The following NFIL3 variants were observed in gnomAD, a reference collection of about 807,000 sequenced individuals.
The protein encoded by NFIL3 is nuclear factor, interleukin 3 regulated.
NFIL3 carries 5 observed loss-of-function variants against 10.0 expected under a neutral mutation model. The observed-to-expected ratio is 0.50, with a 90% CI of 0.26 to 1.06. The LOEUF (loss-of-function observed/expected upper bound fraction) is 1.06, where lower values mean the gene tolerates loss of function less well. Ranked by LOEUF, NFIL3 falls within the 50% of genes least tolerant of loss-of-function variation. The probability of loss-of-function intolerance (pLI) is 0.13; values close to 1 mark genes in which losing one functional copy is unlikely to be tolerated. For missense variants in NFIL3, 436 were observed against 547.6 expected (o/e 0.80, Z 2.03); for synonymous variants, 202 against 206.5 (o/e 0.98, Z 0.19).
At position 91,410,348 on chromosome 9, in the gene NFIL3, A is replaced by G; in HGVS notation, c.387T>C (p.Ile129=). ...TCTCTTGAGCATATGCTGTGGAGCT[A>G]ATTAAACCAAACTTTAATTTTAGTG... ...LLSLKLKFGL[I]SSTAYAQEIQ... The change falls in exon 2 of 2, where the codon ATT becomes ATC. Residue 129 remains isoleucine, a synonymous_variant. Coordinates refer to ENST00000297689, the MANE Select transcript of NFIL3 (RefSeq NM_005384.3). The surrounding 1 kb of genome is among the most constrained non-coding windows in gnomAD (Gnocchi z 5.7). 6.2e-7 allele frequency: 1 copy of G among 1,614,086 alleles called. No homozygotes were observed. The highest frequency in any genetic ancestry group is 1.1e-5 in the South Asian group (1 of 91,034).
At chr9:91,439,990 CTT>C in the NFIL3 span, among the ~76,000 whole-genome samples, 9 of 152,124 alleles carry the variant, frequency 5.9e-5, no homozygotes, top group Non-Finnish European at 1.2e-4. Flanking sequence ...CTTGTGATGT[CTT>C]TGTCTGGATT....
the NFIL3 span, among the ~76,000 whole-genome samples, chr9:91,442,341 C>A: frequency 6.6e-6 from 1 of 152,140 alleles, no homozygotes; most frequent in Admixed American, 6.5e-5. Flanking sequence ...ATACATGGCA[C>A]GATGCTTTTC....
chr9:91,411,918 T>C (rs561289896), intron 1 of NFIL3, among the ~76,000 whole-genome samples: 2 of 151,900 alleles, frequency 1.3e-5, no homozygotes, highest in African/African-American at 4.8e-5. Flanking sequence ...CTGGCCAACA[T>C]GGTGAAACCC....
At chr9:91,452,071 G>C in the NFIL3 span, among the ~76,000 whole-genome samples, 16 of 152,168 alleles carry the variant, frequency 1.1e-4, no homozygotes, top group African/African-American at 3.9e-4. Context: ...TGGAAAACTA[G>C]TTTAGGCTGT....
intron 1 of NFIL3, 61 bp downstream of exon 1, chr9:91,423,579 C>T (rs563294984): frequency 4.7e-5 from 7 of 148,308 alleles, no homozygotes; most frequent in South Asian, 3.9e-4. Flanking sequence ...CGCCCGCCCG[C>T]CCGCAGCGCG....
chr9:91,472,469 G>T, the NFIL3 span, among the ~76,000 whole-genome samples: 805 of 152,174 alleles, frequency 5.3e-3, 6 homozygotes, highest in African/African-American at 0.019. Flanking sequence ...TGCTATCACT[G>T]CTACCCTTTC....
chr9:91,422,964 G>T (rs917163143), intron 1 of NFIL3, among the ~76,000 whole-genome samples: 2 of 152,064 alleles, frequency 1.3e-5, no homozygotes, highest in Non-Finnish European at 2.9e-5. Context: ...ACATCAGCCC[G>T]CAATTCTTGC....
At chr9:91,444,126 A>G in the NFIL3 span, among the ~76,000 whole-genome samples, 2 of 149,754 alleles carry the variant, frequency 1.3e-5, no homozygotes, top group African/African-American at 4.9e-5. Flanking sequence ...TTTCACTTTC[A>G]TTTTTTTCCT....
chr9:91,428,967 G>A, the NFIL3 span, among the ~76,000 whole-genome samples: 1 of 152,198 alleles, frequency 6.6e-6, no homozygotes, highest in East Asian at 1.9e-4. Flanking sequence ...GCAGCTAATC[G>A]TGTTCATTGC....
intron 1 of NFIL3, among the ~76,000 whole-genome samples, chr9:91,423,219 C>T (rs554565216): frequency 2.0e-5 from 3 of 152,176 alleles, no homozygotes; most frequent in East Asian, 1.9e-4. Flanking sequence ...TCCTCTCCCC[C>T]CTACGCCGCC....
At chr9:91,431,718 C>T in the NFIL3 span, among the ~76,000 whole-genome samples, 2 of 152,206 alleles carry the variant, frequency 1.3e-5, no homozygotes, top group East Asian at 1.9e-4. Flanking sequence ...CTCCAGAGTT[C>T]CTTTTGCTTC....
the NFIL3 span, among the ~76,000 whole-genome samples, chr9:91,482,213 T>C: frequency 2.0e-5 from 3 of 152,154 alleles, no homozygotes. Flanking sequence ...TGCAACACTT[T>C]TTGGCCTGGC....
chr9:91,467,914 A>C, the NFIL3 span, among the ~76,000 whole-genome samples: 1 of 152,004 alleles, frequency 6.6e-6, no homozygotes, highest in South Asian at 2.1e-4. Flanking sequence ...TATGTGCCAC[A>C]TTTTTTTAAT....
the NFIL3 span, among the ~76,000 whole-genome samples, chr9:91,440,361 A>G: frequency 1.3e-5 from 2 of 152,034 alleles, no homozygotes; most frequent in East Asian, 1.9e-4. Context: ...AATATCTTCA[A>G]TATCATTTTT....
the NFIL3 span, among the ~76,000 whole-genome samples, chr9:91,467,395 A>G: frequency 6.6e-6 from 1 of 152,134 alleles, no homozygotes; most frequent in Non-Finnish European, 1.5e-5. Flanking sequence ...ATGATATCAC[A>G]TTTTTGATGT....
chr9:91,454,369 C>T, the NFIL3 span, among the ~76,000 whole-genome samples: 1 of 151,702 alleles, frequency 6.6e-6, no homozygotes, highest in Non-Finnish European at 1.5e-5. Context: ...GGCTTTTTAT[C>T]CCAACAATAT....
chr9:91,425,859 G>A (rs13297268), upstream of NFIL3, among the ~76,000 whole-genome samples: 8,624 of 152,268 alleles, frequency 0.057, 311 homozygotes, highest in Middle Eastern at 0.14. Context: ...TCTCTTAGAT[G>A]AAATCAAAAT....
the NFIL3 span, among the ~76,000 whole-genome samples, chr9:91,470,171 T>G: frequency 6.6e-6 from 1 of 152,056 alleles, no homozygotes; most frequent in Non-Finnish European, 1.5e-5. Context: ...TGGACTTTTT[T>G]TGGTTGGTAG....
chr9:91,464,345 C>G, the NFIL3 span, among the ~76,000 whole-genome samples: 1 of 152,048 alleles, frequency 6.6e-6, no homozygotes, highest in South Asian at 2.1e-4. Context: ...CTAGAGTTAA[C>G]ACAATATATT....
Sources: allele counts gnomAD v4.1 joint callset (sites outside exome capture counted in the v4.1 genomes callset), GRCh38; gene constraint gnomAD v4.1.1; non-coding constraint Gnocchi (gnomAD v3.1); transcripts MANE v1.5; gene names NCBI Gene and HGNC (gene_info 2026-07-23, HGNC 2026-07-21).